Variants in SRBD1 observed in about 807,000 individuals in gnomAD.
SRBD1 encodes S1 RNA binding domain 1, also known as S1 RNA-binding domain-containing protein 1.
SRBD1 carries 88 observed loss-of-function variants against 115.3 expected under a neutral mutation model. That is an observed-to-expected ratio of 0.76 (90% CI 0.64 to 0.91). SRBD1 has a LOEUF of 0.91. SRBD1 is among the 40% of genes least tolerant of loss of function. The pLI, the probability that SRBD1 is intolerant of heterozygous loss-of-function variation, is 0.00. For missense variants in SRBD1, 1,385 were observed against 1,177.4 expected (o/e 1.18, Z -2.58); for synonymous variants, 509 against 407.7 (o/e 1.25, Z -2.99).
At chr2:45,403,864 C>T (rs150546799) in intron 19 of SRBD1, among the ~76,000 whole-genome samples, 53 of 152,212 alleles carry the variant, frequency 3.5e-4, no homozygotes, top group African/African-American at 1.1e-3. Context: ...AAGATCAGTT[C>T]AGTGTTCCCC....
At chr2:45,599,115 G>A (rs1434013222) in intron 4 of SRBD1, among the ~76,000 whole-genome samples, 1 of 152,166 alleles carries the variant, frequency 6.6e-6, no homozygotes, top group Non-Finnish European at 1.5e-5. Context: ...TGCTTTTATA[G>A]GAAAATACAG....
At chr2:45,493,657 A>G (rs542235169) in intron 14 of SRBD1, among the ~76,000 whole-genome samples, 51 of 152,100 alleles carry the variant, frequency 3.4e-4, no homozygotes, top group Admixed American at 9.8e-4. Context: ...CTAAATACAA[A>G]AAAAAAATCA....
intron 7 of SRBD1, among the ~76,000 whole-genome samples, chr2:45,579,144 G>A (rs1673268986): frequency 6.6e-6 from 1 of 152,066 alleles, no homozygotes; most frequent in Non-Finnish European, 1.5e-5. Flanking sequence ...TAAAACCAAT[G>A]CATCTTGACA....
intron 20 of SRBD1, among the ~76,000 whole-genome samples, chr2:45,391,581 G>T (rs1440070058): frequency 6.6e-6 from 1 of 152,118 alleles, no homozygotes; most frequent in African/African-American, 2.4e-5. Flanking sequence ...TGAAAATTGT[G>T]ACTTACATTA....
intron 20 of SRBD1, among the ~76,000 whole-genome samples, chr2:45,391,250 C>T (rs1352204034): frequency 1.3e-5 from 2 of 152,172 alleles, no homozygotes. Context: ...AACTTTAACA[C>T]TTTCATAGCC....
At chr2:45,581,381 C>A (rs1478728827) in intron 6 of SRBD1, among the ~76,000 whole-genome samples, 3 of 152,196 alleles carry the variant, frequency 2.0e-5, no homozygotes, top group Non-Finnish European at 4.4e-5. Context: ...AGGCTGAAGA[C>A]ATCCACATCT....
chr2:45,557,248 G>T (rs1464965539), intron 10 of SRBD1, among the ~76,000 whole-genome samples: 1 of 152,198 alleles, frequency 6.6e-6, no homozygotes, highest in Non-Finnish European at 1.5e-5. Context: ...CGAGGTAGGA[G>T]AGAGAACATA....
intron 7 of SRBD1, among the ~76,000 whole-genome samples, 160 bp from the exon 8 acceptor site, chr2:45,574,883 G>C (rs1673130148): frequency 6.6e-6 from 1 of 152,100 alleles, no homozygotes; most frequent in Non-Finnish European, 1.5e-5. Context: ...GCTTCCCTTT[G>C]TAACAAAAAC....
chr2:45,450,219 T>C (rs1207039503), intron 16 of SRBD1, among the ~76,000 whole-genome samples: 3 of 152,170 alleles, frequency 2.0e-5, no homozygotes, highest in African/African-American at 4.8e-5. Context: ...ATTTTATAAA[T>C]TGGCACACTT....
intron 18 of SRBD1, among the ~76,000 whole-genome samples, chr2:45,414,623 ATAGT>A (rs1667720667): frequency 1.0e-5 from 1 of 100,332 alleles, no homozygotes. Context: ...GTGTACACAC[ATAGT>A]GTGTATATAG....
chr2:45,434,741 A>C (rs1469879825), intron 16 of SRBD1, among the ~76,000 whole-genome samples: 1 of 151,760 alleles, frequency 6.6e-6, no homozygotes, highest in African/African-American at 2.4e-5. Flanking sequence ...CTCCAGAATC[A>C]AGCCTTTCTT....
intron 19 of SRBD1, among the ~76,000 whole-genome samples, chr2:45,403,985 A>G (rs964342049): frequency 6.6e-6 from 1 of 152,148 alleles, no homozygotes; most frequent in Non-Finnish European, 1.5e-5. Flanking sequence ...GTAAAAATGA[A>G]TAGAGGTGAT....
chr2:45,512,751 G>C (rs1474445142), intron 14 of SRBD1, among the ~76,000 whole-genome samples: 1 of 152,156 alleles, frequency 6.6e-6, no homozygotes, highest in Non-Finnish European at 1.5e-5. Context: ...CACTGGTAAA[G>C]TGCTGATTAT....
chr2:45,498,269 C>T (rs532759677), intron 14 of SRBD1, among the ~76,000 whole-genome samples: 1 of 152,228 alleles, frequency 6.6e-6, no homozygotes, highest in Non-Finnish European at 1.5e-5. Context: ...TGAGTCATAA[C>T]TGTTCTTTAC....
intron 16 of SRBD1, among the ~76,000 whole-genome samples, chr2:45,467,532 T>C (rs898649314): frequency 1.3e-5 from 2 of 152,170 alleles, no homozygotes; most frequent in Admixed American, 6.6e-5. Flanking sequence ...GTCTACAGGT[T>C]TGTCGTAGGC....
intron 19 of SRBD1, among the ~76,000 whole-genome samples, chr2:45,399,688 C>T (rs926915616): frequency 1.3e-5 from 2 of 152,060 alleles, no homozygotes; most frequent in African/African-American, 2.4e-5. Context: ...GGACCACTGC[C>T]TGGGAGAAAT....
intron 12 of SRBD1, among the ~76,000 whole-genome samples, chr2:45,550,924 A>G (rs1378696011): frequency 2.6e-5 from 4 of 152,234 alleles, no homozygotes; most frequent in Admixed American, 2.6e-4. Context: ...CATATAAATG[A>G]TAGTTGTATA....
intron 14 of SRBD1, among the ~76,000 whole-genome samples, chr2:45,492,445 G>A (rs1670326434): frequency 6.6e-6 from 1 of 151,934 alleles, no homozygotes; most frequent in Non-Finnish European, 1.5e-5. Flanking sequence ...TTCTGTTGTT[G>A]TTGTTGTTTT....
intron 16 of SRBD1, among the ~76,000 whole-genome samples, chr2:45,466,464 TAA>T (rs1355017628): frequency 6.6e-6 from 1 of 152,164 alleles, no homozygotes; most frequent in Non-Finnish European, 1.5e-5. Flanking sequence ...CCTCCTTAAA[TAA>T]CTCTCTTCCT....
Sources: gnomAD v4.1 joint callset for allele counts (sites outside exome capture counted in the v4.1 genomes callset) on GRCh38, gnomAD v4.1.1 for gene constraint, MANE v1.5 for transcripts, NCBI Gene and HGNC (gene_info 2026-07-23, HGNC 2026-07-21) for gene names.